TRHDE: variants seen among roughly 807,000 people sequenced by gnomAD.
TRHDE encodes thyrotropin-releasing hormone-degrading ectoenzyme.
TRHDE carries 72 observed loss-of-function variants against 125.7 expected under a neutral mutation model. The observed-to-expected ratio is 0.57, with a 90% CI of 0.47 to 0.70. The LOEUF (loss-of-function observed/expected upper bound fraction) is 0.70, where lower values mean the gene tolerates loss of function less well. Ranked by LOEUF, TRHDE falls within the 30% of genes least tolerant of loss-of-function variation. The pLI, the probability that TRHDE is intolerant of heterozygous loss-of-function variation, is 0.00. For synonymous variants in TRHDE, 509 were observed against 509.1 expected, an observed-to-expected ratio of 1.00 and a Z score of 0.00; for missense variants, 1,110 against 1,327.1, an observed-to-expected ratio of 0.84 and a Z score of 2.54.
chr12:72,142,341 C>T (rs1876130725), intron 2 of TRHDE, among the ~76,000 whole-genome samples: 1 of 152,122 alleles, frequency 6.6e-6, no homozygotes, highest in Non-Finnish European at 1.5e-5. Context: ...TAATAAACCT[C>T]CACTTCTGCT....
At position 72,280,165 on chromosome 12, in the gene TRHDE, C is replaced by T. The variant is rs1223714658; in HGVS notation, c.915-6516C>T. ...ATATCCTGACTCTGCCACTTATTAG[C>T]TTTAAGACCTTGGCCAGATTTCCTA... On this transcript the variant is annotated intron_variant, in intron 1 of 18. Transcript: ENST00000261180. Among the ~76,000 whole-genome samples, 7 of 152,218 alleles carry T rather than the reference C, an allele frequency of 4.6e-5. No individual in the cohort carries two copies. The South Asian group carries it at 1.0e-3, about 23-fold the overall frequency.
intron 7 of TRHDE, 123 bp from the exon 8 acceptor site, chr12:72,562,042 C>T (rs1592537176): frequency 2.0e-6 from 1 of 507,556 alleles, no homozygotes; most frequent in Non-Finnish European, 3.6e-6. Flanking sequence ...GATTATTTAT[C>T]TTTTTTATGT....
intron 2 of TRHDE, among the ~76,000 whole-genome samples, chr12:72,366,676 A>G (rs1871351479): frequency 6.6e-6 from 1 of 152,058 alleles, no homozygotes; most frequent in Admixed American, 6.6e-5. Context: ...CCTACAAAAT[A>G]AGGGCCATGG....
intron 2 of TRHDE, among the ~76,000 whole-genome samples, chr12:72,184,712 C>T (rs1877166109): frequency 1.3e-5 from 2 of 152,216 alleles, no homozygotes; most frequent in South Asian, 4.1e-4. Context: ...CTTCTTGTGT[C>T]TTAAGAGCTT....
chr12:72,373,707 A>G (rs1343442822), intron 2 of TRHDE, among the ~76,000 whole-genome samples: 3 of 152,186 alleles, frequency 2.0e-5, no homozygotes, highest in East Asian at 1.9e-4. Context: ...AGATGGAGGA[A>G]CTAGCCATGG....
At chr12:72,446,203 C>A (rs1408415123) in intron 3 of TRHDE, among the ~76,000 whole-genome samples, 1 of 145,884 alleles carries the variant, frequency 6.9e-6, no homozygotes, top group African/African-American at 2.6e-5. Flanking sequence ...GCACAACATG[C>A]AGGTTTGTTA....
At chr12:72,489,106 C>T (rs1028683454) in intron 5 of TRHDE, among the ~76,000 whole-genome samples, 1 of 149,760 alleles carries the variant, frequency 6.7e-6, no homozygotes, top group African/African-American at 2.4e-5. Flanking sequence ...AAAAGAAGAC[C>T]ATACAAAATC....
intron 2 of TRHDE, among the ~76,000 whole-genome samples, chr12:72,221,719 G>C (rs752918876): frequency 1.3e-5 from 2 of 152,064 alleles, no homozygotes; most frequent in African/African-American, 2.4e-5. Flanking sequence ...TAGGATAACT[G>C]ACAATATTTG....
chr12:72,487,532 A>G (rs1362523574), intron 5 of TRHDE, among the ~76,000 whole-genome samples: 2 of 152,172 alleles, frequency 1.3e-5, no homozygotes, highest in Admixed American at 6.5e-5. Context: ...CAAGAATACT[A>G]TACCCAGCAA....
chr12:72,338,480 G>A (rs945386690), intron 2 of TRHDE, among the ~76,000 whole-genome samples: 1 of 152,152 alleles, frequency 6.6e-6, no homozygotes, highest in Non-Finnish European at 1.5e-5. Context: ...ATCAGTGTGT[G>A]GTATACAGGG....
intron 3 of TRHDE, among the ~76,000 whole-genome samples, chr12:72,404,828 C>G (rs918771351): frequency 6.6e-5 from 10 of 152,154 alleles, no homozygotes; most frequent in African/African-American, 2.4e-4. Flanking sequence ...AAAGTCTTAC[C>G]TCTGCTACTT....
chr12:72,105,628 C>T (rs1875168908), intron 1 of TRHDE: 1 of 152,016 alleles, frequency 6.6e-6, no homozygotes, highest in East Asian at 1.9e-4. Context: ...TCCATAATTA[C>T]AATTATTATT....
chr12:72,575,186 T>C, intron 10 of TRHDE, 69 bp from the exon 11 acceptor site: 1 of 1,497,942 alleles, frequency 6.7e-7, no homozygotes, highest in South Asian at 1.2e-5. Flanking sequence ...TATCTGGCGT[T>C]AAGAAAACAT....
At chr12:72,555,471 TTTCAATAATTA>T (rs1869877092) in intron 7 of TRHDE, among the ~76,000 whole-genome samples, 2 of 137,036 alleles carry the variant, frequency 1.5e-5, no homozygotes, top group South Asian at 4.4e-4. Flanking sequence ...ATAATAAAGG[TTTCAATAATTA>T]TACCTTTTCA....
In TRHDE at chr12:72,154,218, C is replaced by A. The variant is rs570984739; in HGVS notation, n.279+48466C>A. Reference sequence around the variant, plus strand: ...GTTTTATCAGAGACTAGGATTGCAACCCCTGCCTTTTTTTGTTTTCCATTT... The same window carrying A: ...GTTTTATCAGAGACTAGGATTGCAAACCCTGCCTTTTTTTGTTTTCCATTT... On this transcript the variant is annotated intron_variant and non_coding_transcript_variant, in intron 2 of 4. Transcript: ENST00000548156. Among the ~76,000 whole-genome samples, 103 of 152,110 alleles carry A rather than the reference C, an allele frequency of 6.8e-4. 1 individual carries two copies. In the East Asian group the frequency reaches 0.016, roughly 24 times the overall value.
intron 2 of TRHDE, among the ~76,000 whole-genome samples, chr12:72,311,095 A>G (rs886821068): frequency 6.6e-6 from 1 of 152,144 alleles, no homozygotes; most frequent in Non-Finnish European, 1.5e-5. Context: ...TATAGTCATT[A>G]ACCACCACCA....
At chr12:72,638,484 G>A (rs920391444) in intron 15 of TRHDE, among the ~76,000 whole-genome samples, 12 of 150,748 alleles carry the variant, frequency 8.0e-5, no homozygotes, top group African/African-American at 2.9e-4. Flanking sequence ...TCTTTTAATT[G>A]GAGCATTTAG....
chr12:72,301,631 T>C (rs1458870273), intron 2 of TRHDE, among the ~76,000 whole-genome samples: 1 of 152,196 alleles, frequency 6.6e-6, no homozygotes, highest in Non-Finnish European at 1.5e-5. Context: ...TAACTAGATT[T>C]GTGTATTCTC....
chr12:72,584,027 G>T lies in TRHDE; in HGVS notation c.2321+8485G>T, dbSNP rs1390692732. The stretch of plus-strand genomic sequence containing the variant: ...CTCACTGCAGGCTCCGCCCCCTGGG[G>T]TTCACGCCATTCTCCTGCCTCAGCC... On this transcript the variant is annotated intron_variant, in intron 12 of 18. Transcript: ENST00000261180. Among the ~76,000 whole-genome samples, 4 of 86,802 alleles carry T rather than the reference G, an allele frequency of 4.6e-5. No homozygotes were observed. In the South Asian group the frequency reaches 1.1e-3, roughly 24 times the overall value. 56.9% of individuals were successfully genotyped at this position (86,802 alleles called of 152,430 possible). A position where few individuals can be genotyped will look rare whatever the true frequency, so the allele number is the denominator to read the frequency against.
Sources: allele counts gnomAD v4.1 joint callset (sites outside exome capture counted in the v4.1 genomes callset), GRCh38; gene constraint gnomAD v4.1.1; transcripts MANE v1.5; gene names NCBI Gene and HGNC (gene_info 2026-07-23, HGNC 2026-07-21).